B3GLCT: variants seen among roughly 807,000 people sequenced by gnomAD.
B3GLCT encodes beta-1,3-glucosyltransferase.
A neutral mutation model predicts 63.4 loss-of-function variants in B3GLCT; 65 were observed. That is an observed-to-expected ratio of 1.03 (90% CI 0.84 to 1.26). The LOEUF is 1.26. Among genes scored for constraint, B3GLCT ranks in the 50% most tolerant of loss-of-function variants. B3GLCT has a pLI of 0.00. For missense variants in B3GLCT, 577 were observed against 604.8 expected (o/e 0.95, Z 0.48); for synonymous variants, 233 against 219.2 (o/e 1.06, Z -0.55).
At chr13:31,208,563 C>A (rs1869090076) in intron 1 of B3GLCT, among the ~76,000 whole-genome samples, 1 of 150,022 alleles carries the variant, frequency 6.7e-6, no homozygotes, top group Non-Finnish European at 1.5e-5. Context: ...CCCTTCCCGT[C>A]TCACCCCCCA....
At position 31,206,023 on chromosome 13, in the gene B3GLCT, G is replaced by A. The variant is rs558076880; in HGVS notation, c.70+5869G>A. On this transcript the variant is annotated intron_variant, in intron 1 of 14. Coordinates refer to ENST00000343307, the MANE Select transcript of B3GLCT (RefSeq NM_194318.4). ...ATTTTAGTTTATATCATTGCTTCCC[G>A]TAAGAAACTCAAGGCTCTTTACACA... Among the ~76,000 whole-genome samples, 12 of 152,224 alleles carry A rather than the reference G, an allele frequency of 7.9e-5. No individual in the cohort carries two copies. In the East Asian group the frequency reaches 1.5e-3, roughly 20 times the overall value.
chr13:31,218,674 T>C lies in B3GLCT; in HGVS notation c.120+3574T>C, dbSNP rs376231838. 1.9e-3 allele frequency among the ~76,000 whole-genome samples: 297 copies of C among 152,332 alleles called. 3 individuals carry two copies. The highest frequency in any genetic ancestry group is 3.3e-3 in the Non-Finnish European group (222 of 68,030). Reference sequence around the variant, plus strand: ...CACTTTGACTTCCTCTTTTCCTGTTTGGATGCCTTTATTTCTTTATCTTCT... The same window carrying C: ...CACTTTGACTTCCTCTTTTCCTGTTCGGATGCCTTTATTTCTTTATCTTCT... On this transcript the variant is annotated intron_variant, in intron 2 of 14. Transcript: ENST00000343307.
rs138542472 is a variant in B3GLCT, at chr13:31,299,389, T to C, written c.1064+12570T>C. Among the ~76,000 whole-genome samples the C allele has an allele frequency of 2.2e-3, 335 of 152,296 alleles. 4 individuals are homozygous for C. Among genetic ancestry groups the C allele is most frequent in the Non-Finnish European group, 4.5e-3 (306 of 68,028 alleles). ...AATCCATGCAATATCTTCTGTTTAGTTGTTTTTTTAATGGTACTCAGAGTA... is the reference window on the plus strand; with the variant it reads ...AATCCATGCAATATCTTCTGTTTAGCTGTTTTTTTAATGGTACTCAGAGTA... On this transcript the variant is annotated intron_variant, in intron 12 of 14. Coordinates refer to ENST00000343307, the MANE Select transcript of B3GLCT (RefSeq NM_194318.4).
intron 12 of B3GLCT, chr13:31,312,592 T>C (rs936273123): frequency 1.3e-5 from 2 of 152,132 alleles, no homozygotes; most frequent in Non-Finnish European, 2.9e-5. Flanking sequence ...GTAGAAAAGT[T>C]AAAAGAAAAT....
chr13:31,240,066 C>G (rs544871596), intron 4 of B3GLCT, among the ~76,000 whole-genome samples: 3 of 152,170 alleles, frequency 2.0e-5, no homozygotes, highest in African/African-American at 7.2e-5. Context: ...AAGGCAGGAG[C>G]TGAGAAATAG....
chr13:31,214,981 T>G (rs986891975), intron 1 of B3GLCT, 70 bp from the exon 2 acceptor site: 41 of 1,404,822 alleles, frequency 2.9e-5, no homozygotes, highest in Non-Finnish European at 1.3e-5. Flanking sequence ...TAAGCAAAAC[T>G]GTTGGATGTG....
chr13:31,234,504 G>T (rs1870548807), intron 4 of B3GLCT, among the ~76,000 whole-genome samples: 1 of 152,192 alleles, frequency 6.6e-6, no homozygotes, highest in South Asian at 2.1e-4. Flanking sequence ...GCTAGGTTGA[G>T]GCTGAGGTGG....
intron 8 of B3GLCT, among the ~76,000 whole-genome samples, 163 bp from the exon 9 acceptor site, chr13:31,274,346 T>G (rs1872688882): frequency 6.6e-6 from 1 of 152,232 alleles, no homozygotes; most frequent in Non-Finnish European, 1.5e-5. Context: ...GGAATTGTCA[T>G]TTTTTTAAGT....
intron 12 of B3GLCT, among the ~76,000 whole-genome samples, chr13:31,297,031 T>A (rs919462821): frequency 6.6e-6 from 1 of 152,124 alleles, no homozygotes; most frequent in East Asian, 1.9e-4. Context: ...ACTTGTTTTT[T>A]TTTTTTGTGA....
chr13:31,279,356 G>C lies in B3GLCT; in HGVS notation c.850+2585G>C, dbSNP rs559435836. 2.6e-5 allele frequency among the ~76,000 whole-genome samples: 4 copies of C among 152,058 alleles called. No individual in the cohort carries two copies. In the South Asian group the frequency reaches 8.3e-4, roughly 32 times the overall value. ...GGGAAACCAGCCCCCAATATTCAACGTGAGTCCTTTTCTATTTTCCCTAAG... is the reference window on the plus strand; with the variant it reads ...GGGAAACCAGCCCCCAATATTCAACCTGAGTCCTTTTCTATTTTCCCTAAG... On this transcript the variant is annotated intron_variant, in intron 10 of 14. Coordinates refer to ENST00000343307, the MANE Select transcript of B3GLCT (RefSeq NM_194318.4).
intron 6 of B3GLCT, among the ~76,000 whole-genome samples, chr13:31,250,508 G>T (rs1275231655): frequency 6.6e-6 from 1 of 152,188 alleles, no homozygotes; most frequent in East Asian, 1.9e-4. Context: ...AAACACAGGT[G>T]CTTGCAAAAA....
chr13:31,329,440 T>C (rs1042675445), intron 14 of B3GLCT, 61 bp from the exon 15 acceptor site: 89 of 1,590,412 alleles, frequency 5.6e-5, no homozygotes, highest in Non-Finnish European at 3.7e-5. Flanking sequence ...ATTCAAATGC[T>C]CTTCTGCAGC....
chr13:31,274,035 G>C (rs769443648), intron 8 of B3GLCT, among the ~76,000 whole-genome samples: 1 of 151,954 alleles, frequency 6.6e-6, no homozygotes, highest in Non-Finnish European at 1.5e-5. Flanking sequence ...TTTTCCCCAG[G>C]ATCTCACTTT....
intron 6 of B3GLCT, among the ~76,000 whole-genome samples, chr13:31,254,345 T>A (rs1871607825): frequency 6.6e-6 from 1 of 152,218 alleles, no homozygotes; most frequent in Non-Finnish European, 1.5e-5. Flanking sequence ...GTTGGCTTCA[T>A]CCCTGGGATG....
rs138146267 is a variant in B3GLCT, at chr13:31,324,543, C to T, written c.1329+648C>T. ...GTTTAGTATCTTTTAAGAACCAAGT[C>T]AGTGAATTTTCTTTTAAGAATAATA... On this transcript the variant is annotated intron_variant, in intron 14 of 14. Transcript: ENST00000343307. Among the ~76,000 whole-genome samples the T allele has an allele frequency of 7.2e-5, 11 of 152,234 alleles. No homozygotes were observed. In the East Asian group the frequency reaches 2.1e-3, roughly 29 times the overall value.
intron 1 of B3GLCT, among the ~76,000 whole-genome samples, chr13:31,205,135 TACC>T (rs1295946008): frequency 6.6e-6 from 1 of 152,072 alleles, no homozygotes; most frequent in African/African-American, 2.4e-5. Context: ...GATGGCCAGG[TACC>T]ATGTTAGGTG....
intron 4 of B3GLCT, among the ~76,000 whole-genome samples, chr13:31,232,835 C>T (rs9315116): frequency 0.09 from 13,641 of 152,194 alleles, 1,538 homozygotes; most frequent in East Asian, 0.45. Context: ...ATTTTGAGAG[C>T]AGAGAATAGA....
chr13:31,274,451 T>C (rs1872692077), intron 8 of B3GLCT, 58 bp from the exon 9 acceptor site: 4 of 1,611,574 alleles, frequency 2.5e-6, no homozygotes, highest in African/African-American at 2.7e-5. Context: ...TTTTGTCCCT[T>C]CTTATACTTG....
At position 31,229,338 on chromosome 13, in the gene B3GLCT, G is replaced by C; in HGVS notation, c.270+44G>C. The C allele has an allele frequency of 1.7e-6, 2 of 1,150,268 alleles. 1 individual carries two copies. The allele number at this position is 1,150,268 out of a possible 1,614,324, so 71.3% of individuals were successfully genotyped here. The stretch of plus-strand genomic sequence containing the variant: ...GGGGTCTGCCAGTTATGTATTTCTT[G>C]ATTACCTTGATGTTTTCCAAAACAC... On this transcript the variant is annotated intron_variant, in intron 4 of 14. Coordinates refer to ENST00000343307, the MANE Select transcript of B3GLCT (RefSeq NM_194318.4).
Sources: allele counts gnomAD v4.1 joint callset (sites outside exome capture counted in the v4.1 genomes callset), GRCh38; gene constraint gnomAD v4.1.1; transcripts MANE v1.5; gene names NCBI Gene and HGNC (gene_info 2026-07-23, HGNC 2026-07-21).